The following ACTL8 variants were observed in gnomAD, a reference collection of about 807,000 sequenced individuals.
The protein encoded by ACTL8 is actin like 8.
A neutral mutation model predicts 9.3 loss-of-function variants in ACTL8; 3 were observed. The ratio of observed to expected loss-of-function variants is 0.32; its 90% CI spans 0.15 to 0.83. The LOEUF (loss-of-function observed/expected upper bound fraction) is 0.83, where lower values mean the gene tolerates loss of function less well. ACTL8 is among the 40% of genes least tolerant of loss of function. The pLI, the probability that ACTL8 is intolerant of heterozygous loss-of-function variation, is 0.57. For synonymous variants in ACTL8, 224 were observed against 205.9 expected, an observed-to-expected ratio of 1.09 and a Z score of -0.75; for missense variants, 381 against 492.2, an observed-to-expected ratio of 0.77 and a Z score of 2.14.
chr1:17,805,131 G>A (rs1342683804), intron 1 of ACTL8, among the ~76,000 whole-genome samples: 1 of 151,960 alleles, frequency 6.6e-6, no homozygotes, highest in Non-Finnish European at 1.5e-5. Context: ...CTCCCTTCCA[G>A]CCACACGGGG....
Position 17,795,917 on chromosome 1 carries a change from G to A in ACTL8, c.-24-27068G>A, listed in dbSNP as rs370381616. Among the ~76,000 whole-genome samples the A allele has an allele frequency of 3.3e-5, 5 of 152,318 alleles. No individual in the cohort carries two copies. In the East Asian group the frequency reaches 9.7e-4, roughly 29 times the overall value. On this transcript the variant is annotated intron_variant, in intron 1 of 2. Transcript: ENST00000375406. ...AGACTGTCTGCACACCAAGCACACT[G>A]GCATGGGGTACAGCATTGCTCAGCA...
At chr1:17,800,892 C>T (rs1442380090) in intron 1 of ACTL8, among the ~76,000 whole-genome samples, 1 of 152,056 alleles carries the variant, frequency 6.6e-6, no homozygotes, top group African/African-American at 2.4e-5. Flanking sequence ...TGTGCCCGGC[C>T]ACCTTGGTGT....
At chr1:17,758,673 G>T (rs2065982393) in intron 1 of ACTL8, among the ~76,000 whole-genome samples, 1 of 152,180 alleles carries the variant, frequency 6.6e-6, no homozygotes, top group South Asian at 2.1e-4. Flanking sequence ...AACTGATGCT[G>T]TTTCCTGGGG....
chr1:17,826,586 A>AT lies in ACTL8; in HGVS notation c.*68dup. The stretch of plus-strand genomic sequence containing the variant: ...GCACGGGCGGATTAATTTTAGCAAA[A>AT]TGTTCTGGGTGGGGGTAGAATGAGG... On this transcript the variant is annotated 3_prime_UTR_variant, in exon 3 of 3. Transcript: ENST00000375406. This position sits in a 1 kb window ranked among gnomAD's most constrained non-coding sequence, Gnocchi z 4.5. 1 of 1,165,704 alleles carries AT rather than the reference A, an allele frequency of 8.6e-7. No individual in the cohort carries two copies. Among genetic ancestry groups the AT allele is most frequent in the Non-Finnish European group, 1.1e-6 (1 of 874,528 alleles). The allele number at this position is 1,165,704 out of a possible 1,614,324, so 72.2% of individuals were successfully genotyped here. A position where few individuals can be genotyped will look rare whatever the true frequency, so the allele number is the denominator to read the frequency against.
At chr1:17,792,294 G>A (rs993853879) in intron 1 of ACTL8, among the ~76,000 whole-genome samples, 1 of 152,190 alleles carries the variant, frequency 6.6e-6, no homozygotes, top group Non-Finnish European at 1.5e-5. Context: ...TGACAAATGG[G>A]GAAACTGAGG....
At chr1:17,787,290 A>T (rs1263510556) in intron 1 of ACTL8, among the ~76,000 whole-genome samples, 1 of 151,634 alleles carries the variant, frequency 6.6e-6, no homozygotes, top group Non-Finnish European at 1.5e-5. Flanking sequence ...TTTTTGAGAC[A>T]GTCTCATTCT....
intron 1 of ACTL8, among the ~76,000 whole-genome samples, chr1:17,812,687 T>C (rs527698972): frequency 1.3e-5 from 2 of 151,650 alleles, no homozygotes; most frequent in African/African-American, 4.8e-5. Context: ...GAGATGGGGT[T>C]TCACTGTGTT....
intron 2 of ACTL8, 34 bp from the exon 3 acceptor site, chr1:17,825,733 G>T (rs1557450448): frequency 1.3e-6 from 2 of 1,592,122 alleles, no homozygotes; most frequent in Non-Finnish European, 1.7e-6. Context: ...CAGGCTGGGG[G>T]GAAATGCACT....
intron 1 of ACTL8, among the ~76,000 whole-genome samples, chr1:17,799,312 T>C (rs1265268249): frequency 6.6e-6 from 1 of 152,260 alleles, no homozygotes; most frequent in Non-Finnish European, 1.5e-5. Context: ...TTTGCTAATC[T>C]GATATGTGTA....
chr1:17,780,898 T>C (rs1453737845), intron 1 of ACTL8, among the ~76,000 whole-genome samples: 2 of 152,184 alleles, frequency 1.3e-5, no homozygotes, highest in African/African-American at 4.8e-5. Flanking sequence ...AACTGGAGTC[T>C]GTGGTCTCTC....
intron 1 of ACTL8, among the ~76,000 whole-genome samples, chr1:17,802,595 C>T (rs889466795): frequency 1.3e-5 from 2 of 152,038 alleles, no homozygotes; most frequent in Non-Finnish European, 2.9e-5. Flanking sequence ...GTCATATCCC[C>T]GATCATAACA....
Position 17,772,098 on chromosome 1 carries a change from G to A in ACTL8, c.-25+16594G>A, listed in dbSNP as rs111953918. On this transcript the variant is annotated intron_variant, in intron 1 of 2. Transcript: ENST00000375406. ...CAGTGCATGCGCTTCGTGTATCCCC[G>A]TGAGGCTGAGCTCTGCTGGGTGTAG... Among the ~76,000 whole-genome samples, 395 of 152,278 alleles carry A rather than the reference G, an allele frequency of 2.6e-3. 1 individual carries two copies. Among genetic ancestry groups the A allele is most frequent in the African/African-American group, 8.6e-3 (357 of 41,546 alleles).
chr1:17,777,802 G>A (rs1262583253), intron 1 of ACTL8, among the ~76,000 whole-genome samples: 3 of 152,294 alleles, frequency 2.0e-5, no homozygotes, highest in Middle Eastern at 3.4e-3. Context: ...GAGTTCAAGC[G>A]ATTCTTCTGC....
At chr1:17,780,722 A>C (rs1184389874) in intron 1 of ACTL8, among the ~76,000 whole-genome samples, 2 of 129,880 alleles carry the variant, frequency 1.5e-5, no homozygotes, top group Non-Finnish European at 3.2e-5. Flanking sequence ...ACATTGGAGG[A>C]AGAGCAGGGG....
chr1:17,776,611 C>G (rs2066119905), intron 1 of ACTL8, among the ~76,000 whole-genome samples: 1 of 152,178 alleles, frequency 6.6e-6, no homozygotes, highest in African/African-American at 2.4e-5. Flanking sequence ...CCATATGTTC[C>G]TAATGGCCTC....
intron 1 of ACTL8, among the ~76,000 whole-genome samples, chr1:17,777,755 G>C (rs2066127482): frequency 6.6e-6 from 1 of 152,226 alleles, no homozygotes; most frequent in African/African-American, 2.4e-5. Flanking sequence ...CTGGAGTGCA[G>C]TGGTGCAATC....
chr1:17,795,279 C>T (rs1056096493), intron 1 of ACTL8, among the ~76,000 whole-genome samples: 2 of 152,196 alleles, frequency 1.3e-5, no homozygotes, highest in Non-Finnish European at 2.9e-5. Context: ...GACAGCCCCT[C>T]CCCACCGTAC....
At chr1:17,821,348 C>A (rs2053658443) in intron 1 of ACTL8, among the ~76,000 whole-genome samples, 1 of 152,120 alleles carries the variant, frequency 6.6e-6, no homozygotes, top group Admixed American at 6.5e-5. Flanking sequence ...GAAACTTTGC[C>A]TTCGTGGTTT....
At chr1:17,774,094 C>T (rs1422296607) in intron 1 of ACTL8, among the ~76,000 whole-genome samples, 1 of 152,180 alleles carries the variant, frequency 6.6e-6, no homozygotes, top group Non-Finnish European at 1.5e-5. Context: ...GGTAGCGCCA[C>T]CTTCTGTCTC....
Sources: gnomAD v4.1 joint callset for allele counts (sites outside exome capture counted in the v4.1 genomes callset) on GRCh38, gnomAD v4.1.1 for gene constraint, Gnocchi (gnomAD v3.1) non-coding constraint, MANE v1.5 for transcripts, NCBI Gene and HGNC (gene_info 2026-07-23, HGNC 2026-07-21) for gene names.